MYLK4: variants seen among roughly 807,000 people sequenced by gnomAD.
The protein encoded by MYLK4 is caMLCK like.
A neutral mutation model predicts 48.1 loss-of-function variants in MYLK4; 46 were observed. That is an observed-to-expected ratio of 0.96 (90% CI 0.75 to 1.22). The LOEUF is 1.22. MYLK4 is among the 50% of genes most tolerant of loss of function. The probability of loss-of-function intolerance (pLI) is 0.00; values close to 1 mark genes in which losing one functional copy is unlikely to be tolerated. For missense variants in MYLK4, 451 were observed against 486.1 expected (o/e 0.93, Z 0.68); for synonymous variants, 170 against 180.8 (o/e 0.94, Z 0.48).
intron 2 of MYLK4, among the ~76,000 whole-genome samples, chr6:2,747,863 T>A (rs1163749604): frequency 6.6e-6 from 1 of 152,242 alleles, no homozygotes; most frequent in Admixed American, 6.5e-5. Context: ...AAAACCCTAA[T>A]GAGAAAGTCA....
chr6:2,734,734 C>CAGTAGTATG (rs1763608339), intron 2 of MYLK4, among the ~76,000 whole-genome samples: 1 of 152,084 alleles, frequency 6.6e-6, no homozygotes, highest in Admixed American at 6.5e-5. Flanking sequence ...TTCACAACTG[C>CAGTAGTATG]AGTAGTATGT....
intron 2 of MYLK4, among the ~76,000 whole-genome samples, chr6:2,746,925 A>T (rs1252263448): frequency 6.6e-6 from 1 of 152,190 alleles, no homozygotes; most frequent in Non-Finnish European, 1.5e-5. Flanking sequence ...CCCACCAACT[A>T]GGCAGGCAGG....
At chr6:2,714,702 C>G (rs1384266239) in intron 2 of MYLK4, among the ~76,000 whole-genome samples, 1 of 152,198 alleles carries the variant, frequency 6.6e-6, no homozygotes, top group African/African-American at 2.4e-5. Context: ...ATGGTGGAAA[C>G]AAACCAAGTG....
rs920815796 is a variant in MYLK4 at position 2,664,621 on chromosome 6, A to G, written c.*3304T>C. Reference sequence around the variant, plus strand: ...AAAAAAAATTGCTAAGCTAATTTCCATAAAATGGATAAAAATTAAGTATTC... The same window carrying G: ...AAAAAAAATTGCTAAGCTAATTTCCGTAAAATGGATAAAAATTAAGTATTC... On this transcript the variant is annotated 3_prime_UTR_variant, in exon 13 of 13. Coordinates refer to ENST00000274643, the MANE Select transcript of MYLK4 (RefSeq NM_001012418.5). 1 of 152,268 alleles carries G rather than the reference A, an allele frequency of 6.6e-6. No individual in the cohort carries two copies. Among genetic ancestry groups the G allele is most frequent in the Non-Finnish European group, 1.5e-5 (1 of 68,048 alleles). 9.4% of individuals were successfully genotyped at this position (152,268 alleles called of 1,614,324 possible).
rs566551332 is a variant in MYLK4, at chr6:2,746,853, T to A, written c.159+2283A>T. ...AGCTCTGTCTGCATACCTGAAGACA[T>A]CTGAGCTGCTGGAATGTCCTTCTCC... is the stretch of plus-strand genomic sequence containing the variant. On this transcript the variant is annotated intron_variant, in intron 2 of 12. Transcript: ENST00000274643. 2.0e-5 allele frequency among the ~76,000 whole-genome samples: 3 copies of A among 152,320 alleles called. No individual in the cohort carries two copies. The East Asian group carries it at 5.8e-4, about 29-fold the overall frequency.
chr6:2,765,472 A>G, the MYLK4 span: 1 of 1,005,472 alleles, frequency 9.9e-7, no homozygotes, highest in African/African-American at 1.7e-5. Flanking sequence ...GACGTGAGGC[A>G]TGAGCGGCGC....
In MYLK4 at chr6:2,673,635, C is replaced by T. The variant is rs908621119; in HGVS notation, c.1119+1412G>A. On this transcript the variant is annotated intron_variant, in intron 11 of 12. Coordinates refer to ENST00000274643, the MANE Select transcript of MYLK4 (RefSeq NM_001012418.5). The surrounding 1 kb of genome is among the most constrained non-coding windows in gnomAD (Gnocchi z 4.2). ...CTGGTGGGCCCAAAGGTTGGCATGG[C>T]GTCTTGCCTGTATATGCATCTTGCC... 1.3e-5 allele frequency among the ~76,000 whole-genome samples: 2 copies of T among 152,192 alleles called. No individual in the cohort carries two copies. The highest frequency in any genetic ancestry group is 6.5e-5 in the Admixed American group (1 of 15,284).
intron 2 of MYLK4, among the ~76,000 whole-genome samples, chr6:2,712,169 T>A (rs912701): frequency 0.86 from 130,752 of 152,200 alleles, 56,241 homozygotes; most frequent in Admixed American, 0.89. Context: ...TCCCTTAACA[T>A]CAGCTTCATC....
rs56864481 is a variant in MYLK4, at chr6:2,673,807, C to G, written c.1119+1240G>C. Among the ~76,000 whole-genome samples, 14,045 of 152,244 alleles carry G rather than the reference C, an allele frequency of 0.092. 870 individuals carry two copies. Among genetic ancestry groups the G allele is most frequent in the East Asian group, 0.29 (1,479 of 5,166 alleles). ...GGAGGCTGCAGTCACTCAGGGGAGGCATGTCCCAGGCCACGGTCACCATGG... is the reference window on the plus strand; with the variant it reads ...GGAGGCTGCAGTCACTCAGGGGAGGGATGTCCCAGGCCACGGTCACCATGG... On this transcript the variant is annotated intron_variant, in intron 11 of 12. Coordinates refer to ENST00000274643, the MANE Select transcript of MYLK4 (RefSeq NM_001012418.5). This position sits in a 1 kb window ranked among gnomAD's most constrained non-coding sequence, Gnocchi z 4.2.
chr6:2,679,615 G>A, intron 8 of MYLK4: 2 of 675,958 alleles, frequency 3.0e-6, no homozygotes, highest in Non-Finnish European at 5.2e-6. Context: ...TTCATACTAG[G>A]AAACCTTAAA....
chr6:2,677,227 G>A (rs1156937583), intron 10 of MYLK4, among the ~76,000 whole-genome samples: 1 of 152,080 alleles, frequency 6.6e-6, no homozygotes, highest in East Asian at 1.9e-4. Context: ...GACTGGATTT[G>A]TGCCTCTATT....
intron 2 of MYLK4, among the ~76,000 whole-genome samples, chr6:2,726,544 G>A (rs1486432025): frequency 1.3e-5 from 2 of 151,702 alleles, no homozygotes; most frequent in South Asian, 2.1e-4. Context: ...GTCAAAGTGA[G>A]AAGCCAGGGA....
intron 2 of MYLK4, among the ~76,000 whole-genome samples, chr6:2,741,245 G>A (rs969694776): frequency 2.0e-5 from 3 of 152,116 alleles, no homozygotes; most frequent in African/African-American, 4.8e-5. Flanking sequence ...GGATAGGATC[G>A]TAGTTTGGGC....
In MYLK4 at chr6:2,734,840, G is replaced by A. The variant is rs137985208; in HGVS notation, c.159+14296C>T. ...TCTAGTGCTTCTCACACTCTGATGTGCACATACATGAGTCATTCAGGAACC... is the reference window on the plus strand; with the variant it reads ...TCTAGTGCTTCTCACACTCTGATGTACACATACATGAGTCATTCAGGAACC... On this transcript the variant is annotated intron_variant, in intron 2 of 12. Transcript: ENST00000274643. Among the ~76,000 whole-genome samples, 276 of 152,198 alleles carry A rather than the reference G, an allele frequency of 1.8e-3. 9 individuals carry two copies. The East Asian group carries it at 0.045, about 25-fold the overall frequency.
In MYLK4 at chr6:2,750,787, C is replaced by T. The variant is rs186477760; in HGVS notation, c.-164G>A. ...TGAGCCACTCCAAGTCTAGAGCATA[C>T]ATTCCAGAAGATAAAGAGAAATTTT... On this transcript the variant is annotated 5_prime_UTR_variant, in exon 1 of 13. The change abolishes an upstream ATG in the 5' untranslated region. Coordinates refer to ENST00000274643, the MANE Select transcript of MYLK4 (RefSeq NM_001012418.5). 1.2e-4 allele frequency: 18 copies of T among 152,530 alleles called. No individual in the cohort carries two copies. Among genetic ancestry groups the T allele is most frequent in the African/African-American group, 4.1e-4 (17 of 41,586 alleles). 9.4% of individuals were successfully genotyped at this position (152,530 alleles called of 1,614,324 possible). A position where few individuals can be genotyped will look rare whatever the true frequency, so the allele number is the denominator to read the frequency against.
At chr6:2,718,288 C>T (rs1190264722) in intron 2 of MYLK4, among the ~76,000 whole-genome samples, 3 of 152,100 alleles carry the variant, frequency 2.0e-5, no homozygotes, top group Non-Finnish European at 4.4e-5. Context: ...CTCATGATTC[C>T]AGATGTACTT....
At chr6:2,751,254 C>T (rs1392058329), upstream of MYLK4, among the ~76,000 whole-genome samples, 1 of 152,152 alleles carries the variant, frequency 6.6e-6, no homozygotes, top group Non-Finnish European at 1.5e-5. Context: ...GGGAAAATGC[C>T]AGGTGTGGCA....
intron 2 of MYLK4, among the ~76,000 whole-genome samples, chr6:2,716,862 G>C (rs1395810853): frequency 6.6e-6 from 1 of 152,190 alleles, no homozygotes; most frequent in African/African-American, 2.4e-5. Flanking sequence ...GTTAGGATGT[G>C]CTTGGAACAT....
chr6:2,728,511 A>G (rs4959714), intron 2 of MYLK4, among the ~76,000 whole-genome samples: 127,994 of 151,886 alleles, frequency 0.84, 54,598 homozygotes, highest in East Asian at 0.94. Flanking sequence ...TGGCATCCTC[A>G]TCTCCTGCCA....
Sources: gnomAD v4.1 joint callset for allele counts (sites outside exome capture counted in the v4.1 genomes callset) on GRCh38, gnomAD v4.1.1 for gene constraint, Gnocchi (gnomAD v3.1) non-coding constraint, MANE v1.5 for transcripts, NCBI Gene and HGNC (gene_info 2026-07-23, HGNC 2026-07-21) for gene names.